The following EVI5 variants were observed in gnomAD, a reference collection of about 807,000 sequenced individuals.
EVI5 encodes the protein ecotropic viral integration site 5.
EVI5 carries 73 observed loss-of-function variants against 112.0 expected under a neutral mutation model. That is an observed-to-expected ratio of 0.65 (90% confidence interval 0.54 to 0.79). EVI5 has a LOEUF of 0.79. EVI5 is among the 30% of genes least tolerant of loss of function. The probability of loss-of-function intolerance (pLI) is 0.00; values close to 1 mark genes in which losing one functional copy is unlikely to be tolerated. For synonymous variants in EVI5, 305 were observed against 319.9 expected (o/e 0.95, Z 0.50); for missense variants, 900 against 968.8 (o/e 0.93, Z 0.94).
chr1:92,768,532 T>C (rs1682968155), intron 1 of EVI5, among the ~76,000 whole-genome samples: 1 of 152,288 alleles, frequency 6.6e-6, no homozygotes, highest in Admixed American at 6.5e-5. Flanking sequence ...TGCTCCCTTC[T>C]TCCCAGTTTC....
At chr1:92,563,907 TTTAA>T (rs893636740) in intron 18 of EVI5, among the ~76,000 whole-genome samples, 170 bp from the exon 19 acceptor site, 58 of 152,328 alleles carry the variant, frequency 3.8e-4, no homozygotes, top group African/African-American at 1.3e-3. Flanking sequence ...TGAACTATGC[TTTAA>T]TTAATTAATT....
At chr1:92,648,010 G>T (rs1317444514) in intron 13 of EVI5, among the ~76,000 whole-genome samples, 1 of 147,512 alleles carries the variant, frequency 6.8e-6, no homozygotes, top group African/African-American at 2.5e-5. Context: ...CTCTCAAAGT[G>T]CTGGGATTAC....
At chr1:92,630,875 C>T (rs1370592287) in intron 14 of EVI5, among the ~76,000 whole-genome samples, 1 of 152,082 alleles carries the variant, frequency 6.6e-6, no homozygotes, top group Non-Finnish European at 1.5e-5. Flanking sequence ...CCAGTTTCAG[C>T]TTTCTATATA....
At chr1:92,560,078 T>C (rs1668295796) in intron 19 of EVI5, among the ~76,000 whole-genome samples, 1 of 152,172 alleles carries the variant, frequency 6.6e-6, no homozygotes, top group Non-Finnish European at 1.5e-5. Context: ...TCTTCACTGC[T>C]TATAGACAGT....
At chr1:92,540,300 T>C (rs2101946424) in intron 19 of EVI5, among the ~76,000 whole-genome samples, 1 of 152,338 alleles carries the variant, frequency 6.6e-6, no homozygotes, top group Non-Finnish European at 1.5e-5. Context: ...TTTACCTTTC[T>C]ATCAGCTGTG....
chr1:92,668,999 T>C (rs966514567), intron 10 of EVI5, among the ~76,000 whole-genome samples: 6 of 152,180 alleles, frequency 3.9e-5, no homozygotes, highest in African/African-American at 7.2e-5. Context: ...CAATTAACAC[T>C]TGCACATGAC....
intron 18 of EVI5, among the ~76,000 whole-genome samples, chr1:92,602,513 C>T (rs992916781): frequency 2.0e-5 from 3 of 152,010 alleles, no homozygotes; most frequent in African/African-American, 7.2e-5. Flanking sequence ...GGGATCATTC[C>T]ACCTTAGCCT....
At chr1:92,625,704 C>T in intron 15 of EVI5, 90 bp downstream of exon 15, 1 of 1,128,444 alleles carries the variant, frequency 8.9e-7, no homozygotes, top group Non-Finnish European at 1.3e-6. Context: ...AACTCATCTA[C>T]TATAGGTCAT....
At chr1:92,716,893 T>C (rs892851427) in intron 2 of EVI5, among the ~76,000 whole-genome samples, 1 of 149,246 alleles carries the variant, frequency 6.7e-6, no homozygotes, top group African/African-American at 2.5e-5. Context: ...GGATCGCAGC[T>C]CCTCGCCAGC....
rs1439635550 is a variant in EVI5, at chr1:92,563,678, C to T, written c.2130G>A (p.Gly710=). ...GCTCTGCTATCTGATCTTTCAGTTC[C>T]CCAATATACTGGTTAGAATCAGACT... is the stretch of plus-strand genomic sequence containing the variant. ...LNKSDSNQYI[G]ELKDQIAELN... Residue 710 remains glycine, a synonymous_variant, in exon 19 of 20, where the codon GGG becomes GGA. Transcript: ENST00000684568. The T allele has an allele frequency of 6.2e-7, 1 of 1,604,636 alleles. No individual in the cohort carries two copies. The highest frequency in any genetic ancestry group is 1.7e-5 in the Admixed American group (1 of 59,586).
At chr1:92,612,642 G>C (rs1428212368) in intron 16 of EVI5, among the ~76,000 whole-genome samples, 2 of 148,698 alleles carry the variant, frequency 1.3e-5, no homozygotes, top group Non-Finnish European at 3.0e-5. Flanking sequence ...CCCCGGAGGC[G>C]GAGGTTGCAG....
intron 16 of EVI5, among the ~76,000 whole-genome samples, chr1:92,618,978 T>C (rs1231049150): frequency 6.6e-6 from 1 of 152,222 alleles, no homozygotes; most frequent in East Asian, 1.9e-4. Flanking sequence ...AGTTGTATTA[T>C]GTTAGGCATA....
chr1:92,520,322 G>C (rs956521167), intron 19 of EVI5, among the ~76,000 whole-genome samples: 1 of 152,068 alleles, frequency 6.6e-6, no homozygotes, highest in Admixed American at 6.5e-5. Context: ...CAGAAGAGAG[G>C]CCTGAGAAGA....
chr1:92,776,183 A>C (rs960134460), intron 1 of EVI5, among the ~76,000 whole-genome samples: 7 of 152,088 alleles, frequency 4.6e-5, no homozygotes, highest in African/African-American at 1.7e-4. Context: ...CAAATATTAG[A>C]AGGAAAAAAT....
At chr1:92,540,809 C>T (rs1468008949) in intron 19 of EVI5, among the ~76,000 whole-genome samples, 1 of 152,134 alleles carries the variant, frequency 6.6e-6, no homozygotes, top group Admixed American at 6.5e-5. Flanking sequence ...CACAGTGGCT[C>T]ATGTCTGTAA....
chr1:92,674,221 C>A (rs1485195593), intron 10 of EVI5, among the ~76,000 whole-genome samples: 2 of 152,114 alleles, frequency 1.3e-5, no homozygotes, highest in African/African-American at 4.8e-5. Flanking sequence ...AGGTGGTCAT[C>A]TGATCATGAT....
At chr1:92,784,378 G>A (rs1280780808) in intron 1 of EVI5, 2 of 985,188 alleles carry the variant, frequency 2.0e-6, no homozygotes, top group Admixed American at 6.1e-5. Flanking sequence ...GCAGCCTGGA[G>A]ACACGCCATG....
intron 19 of EVI5, among the ~76,000 whole-genome samples, chr1:92,542,023 T>C (rs939600677): frequency 2.6e-5 from 4 of 152,206 alleles, no homozygotes; most frequent in Admixed American, 6.5e-5. Context: ...TTTCTTAAAG[T>C]AAGACAACAA....
chr1:92,519,146 A>T lies in EVI5; in HGVS notation c.2167-5176T>A, dbSNP rs114501829. ...ATAAACCATTTTTTCAGGAAAGTAG[A>T]TAATATGCTCCACCAAAATAAAGTA... On this transcript the variant is annotated intron_variant, in intron 19 of 19. Transcript: ENST00000684568. Among the ~76,000 whole-genome samples, 855 of 152,296 alleles carry T rather than the reference A, an allele frequency of 5.6e-3. 7 individuals carry two copies. Among genetic ancestry groups the T allele is most frequent in the African/African-American group, 0.018 (757 of 41,550 alleles).
Sources: allele counts gnomAD v4.1 joint callset (sites outside exome capture counted in the v4.1 genomes callset), GRCh38; gene constraint gnomAD v4.1.1; transcripts MANE v1.5; gene names NCBI Gene and HGNC (gene_info 2026-07-23, HGNC 2026-07-21).